CEP128: variants seen among roughly 807,000 people sequenced by gnomAD.
CEP128 encodes centrosomal protein 128, also known as centrosomal protein 128kDa.
A neutral mutation model predicts 156.7 loss-of-function variants in CEP128; 132 were observed. The observed-to-expected ratio is 0.84, with a 90% CI of 0.73 to 0.97. The LOEUF (loss-of-function observed/expected upper bound fraction) is 0.97, where lower values mean the gene tolerates loss of function less well. CEP128 is among the 50% of genes least tolerant of loss of function. The pLI is 0.00. For synonymous variants in CEP128, 469 were observed against 448.9 expected, an observed-to-expected ratio of 1.04 and a Z score of -0.57; for missense variants, 1,252 against 1,281.9, an observed-to-expected ratio of 0.98 and a Z score of 0.36.
intron 12 of CEP128, among the ~76,000 whole-genome samples, chr14:80,834,362 T>C (rs889759351): frequency 7.2e-5 from 11 of 152,268 alleles, no homozygotes; most frequent in South Asian, 2.1e-4. Context: ...ATCCTTGGAA[T>C]TGACAGAATT....
chr14:80,813,193 C>A (rs1884660653), intron 13 of CEP128, among the ~76,000 whole-genome samples: 1 of 152,106 alleles, frequency 6.6e-6, no homozygotes, highest in Non-Finnish European at 1.5e-5. Context: ...TTGATAGTTT[C>A]TTTTGCTGTG....
intron 21 of CEP128, among the ~76,000 whole-genome samples, chr14:80,540,155 C>A (rs1253320202): frequency 6.6e-6 from 1 of 151,220 alleles, no homozygotes; most frequent in Non-Finnish European, 1.5e-5. Context: ...TGCTTTTTGC[C>A]CTTTGAAGCA....
chr14:80,719,029 TG>T (rs1223234934), intron 19 of CEP128, among the ~76,000 whole-genome samples: 1 of 152,150 alleles, frequency 6.6e-6, no homozygotes, highest in East Asian at 1.9e-4. Flanking sequence ...TTTGGTAAAG[TG>T]AGGCCATCAG....
At chr14:80,946,083 C>A (rs1886332992), upstream of CEP128, among the ~76,000 whole-genome samples, 1 of 152,020 alleles carries the variant, frequency 6.6e-6, no homozygotes, top group African/African-American at 2.4e-5. Flanking sequence ...TAAATGTGGA[C>A]AATAAAAATA....
intron 19 of CEP128, among the ~76,000 whole-genome samples, chr14:80,647,869 T>A (rs1371216722): frequency 2.0e-5 from 3 of 152,134 alleles, no homozygotes; most frequent in East Asian, 3.9e-4. Context: ...CACAATGCAG[T>A]TCTACTGGGG....
chr14:80,871,761 C>A (rs1006597309), intron 8 of CEP128, among the ~76,000 whole-genome samples: 1 of 151,948 alleles, frequency 6.6e-6, no homozygotes, highest in Non-Finnish European at 1.5e-5. Context: ...AAGTTTAAGA[C>A]TAGAATACCA....
chr14:80,816,228 T>A (rs572030950), intron 13 of CEP128, among the ~76,000 whole-genome samples: 9 of 152,258 alleles, frequency 5.9e-5, no homozygotes, highest in African/African-American at 2.2e-4. Flanking sequence ...GTTGTCTGAA[T>A]CTCCACTCTA....
chr14:80,586,201 C>A (rs1038028779), intron 19 of CEP128, among the ~76,000 whole-genome samples: 2 of 152,036 alleles, frequency 1.3e-5, no homozygotes, highest in African/African-American at 4.8e-5. Flanking sequence ...ATTTAAAAAG[C>A]TGAGAAGGAG....
chr14:80,728,236 T>C (rs1466116145), intron 19 of CEP128, among the ~76,000 whole-genome samples: 2 of 152,190 alleles, frequency 1.3e-5, no homozygotes, highest in African/African-American at 4.8e-5. Context: ...TAATCCTAAA[T>C]TATCCTAAGA....
At chr14:80,882,650 A>T in intron 8 of CEP128, among the ~76,000 whole-genome samples, 1 of 152,158 alleles carries the variant, frequency 6.6e-6, no homozygotes. Context: ...CAATAGCCAA[A>T]ATTTGGAAGT....
chr14:80,543,647 C>A (rs1267983234), intron 21 of CEP128, among the ~76,000 whole-genome samples: 1 of 152,176 alleles, frequency 6.6e-6, no homozygotes, highest in East Asian at 1.9e-4. Flanking sequence ...TGAACACATT[C>A]ATCTAAGATT....
chr14:80,706,238 T>C (rs1483272660), intron 19 of CEP128, among the ~76,000 whole-genome samples: 3 of 152,100 alleles, frequency 2.0e-5, no homozygotes, highest in African/African-American at 7.2e-5. Flanking sequence ...TTCAAAATAA[T>C]AAGCTGGTTC....
intron 8 of CEP128, among the ~76,000 whole-genome samples, chr14:80,866,977 C>T (rs1887796337): frequency 1.3e-5 from 2 of 152,180 alleles, no homozygotes; most frequent in South Asian, 4.1e-4. Flanking sequence ...TTCATAATTT[C>T]ACAGACAGTA....
chr14:80,547,830 C>T (rs188756953), intron 21 of CEP128, among the ~76,000 whole-genome samples: 3 of 147,808 alleles, frequency 2.0e-5, no homozygotes, highest in African/African-American at 7.5e-5. Flanking sequence ...CGGAGCTTCG[C>T]TCTTTTTGCC....
intron 8 of CEP128, among the ~76,000 whole-genome samples, chr14:80,869,925 T>C (rs1015678481): frequency 2.6e-5 from 4 of 152,036 alleles, no homozygotes; most frequent in African/African-American, 7.2e-5. Flanking sequence ...ACATTACAAA[T>C]GATACCACAA....
At chr14:80,887,274 A>G (rs1437085436) in intron 8 of CEP128, among the ~76,000 whole-genome samples, 8 of 152,180 alleles carry the variant, frequency 5.3e-5, no homozygotes, top group African/African-American at 9.6e-5. Flanking sequence ...TGGACCAAGT[A>G]GACCTAATAG....
chr14:80,488,956 G>A (rs1350675946), downstream of CEP128, among the ~76,000 whole-genome samples: 1 of 148,462 alleles, frequency 6.7e-6, no homozygotes, highest in East Asian at 2.0e-4. Context: ...GACACAGGAA[G>A]GGGAACATCA....
At chr14:80,511,011 A>T (rs1486095199) in intron 23 of CEP128, among the ~76,000 whole-genome samples, 1 of 149,598 alleles carries the variant, frequency 6.7e-6, no homozygotes, top group Non-Finnish European at 1.5e-5. Context: ...ATTTTGTTGA[A>T]GATTTTTTTC....
intron 8 of CEP128, among the ~76,000 whole-genome samples, chr14:80,880,421 G>C (rs184886948): frequency 1.3e-5 from 2 of 152,118 alleles, no homozygotes; most frequent in East Asian, 1.9e-4. Context: ...TCCAGAACAA[G>C]GCAAGGATGC....
Sources: allele counts gnomAD v4.1 joint callset (sites outside exome capture counted in the v4.1 genomes callset), GRCh38; gene constraint gnomAD v4.1.1; transcripts MANE v1.5; gene names NCBI Gene and HGNC (gene_info 2026-07-23, HGNC 2026-07-21).